The following SLC25A21 variants were observed in gnomAD, a reference collection of about 807,000 sequenced individuals.
The protein encoded by SLC25A21 is solute carrier family 25 member 21, also known as mitochondrial 2-oxodicarboxylate carrier.
SLC25A21 carries 47 observed loss-of-function variants against 43.8 expected under a neutral mutation model. The ratio of observed to expected loss-of-function variants is 1.07; its 90% confidence interval spans 0.85 to 1.37. The LOEUF (loss-of-function observed/expected upper bound fraction) is 1.37, where lower values mean the gene tolerates loss of function less well. Among genes scored for constraint, SLC25A21 ranks in the 40% most tolerant of loss-of-function variants. SLC25A21 has a pLI of 0.00. For missense variants in SLC25A21, 352 were observed against 350.2 expected (o/e 1.00, Z -0.04); for synonymous variants, 131 against 121.3 (o/e 1.08, Z -0.52).
intron 1 of SLC25A21, among the ~76,000 whole-genome samples, chr14:36,912,243 C>T (rs1190678711): frequency 6.6e-6 from 1 of 152,180 alleles, no homozygotes; most frequent in African/African-American, 2.4e-5. Context: ...AGTTACTGCA[C>T]AAATACTATG....
chr14:37,025,505 T>G (rs2138760116), intron 1 of SLC25A21, among the ~76,000 whole-genome samples: 1 of 152,324 alleles, frequency 6.6e-6, no homozygotes, highest in East Asian at 1.9e-4. Context: ...AATTGCAAAT[T>G]AATTTGTGTT....
intron 3 of SLC25A21, among the ~76,000 whole-genome samples, chr14:36,740,468 G>A (rs957755715): frequency 2.0e-5 from 3 of 152,144 alleles, no homozygotes; most frequent in African/African-American, 7.2e-5. Flanking sequence ...TACAATATTG[G>A]ATCACATTTG....
At chr14:37,141,454 T>C (rs768976188) in intron 1 of SLC25A21, among the ~76,000 whole-genome samples, 1 of 152,166 alleles carries the variant, frequency 6.6e-6, no homozygotes, top group Non-Finnish European at 1.5e-5. Context: ...CTGGCCTTTG[T>C]ATTAAAATAG....
intron 1 of SLC25A21, among the ~76,000 whole-genome samples, chr14:36,876,482 T>C (rs548469459): frequency 1.3e-5 from 2 of 152,132 alleles, no homozygotes; most frequent in Non-Finnish European, 2.9e-5. Context: ...CAGGCTCAGG[T>C]GAGCAGAGGC....
chr14:36,763,899 G>A (rs10134532), intron 3 of SLC25A21, among the ~76,000 whole-genome samples: 23,915 of 150,198 alleles, frequency 0.16, 2,157 homozygotes, highest in Middle Eastern at 0.25. Flanking sequence ...TGCAATGGTG[G>A]GCACCTGTAA....
intron 1 of SLC25A21, among the ~76,000 whole-genome samples, chr14:37,149,831 GAAAA>G (rs1250311807): frequency 6.6e-6 from 1 of 152,028 alleles, no homozygotes; most frequent in African/African-American, 2.4e-5. Flanking sequence ...CATTAAGAGA[GAAAA>G]AATAATTTAA....
chr14:37,014,343 T>C (rs1960798821), intron 1 of SLC25A21, among the ~76,000 whole-genome samples: 1 of 152,188 alleles, frequency 6.6e-6, no homozygotes. Context: ...GTTTATGAAA[T>C]GTTCTCAATC....
chr14:36,710,195 G>C (rs1883778505), intron 7 of SLC25A21, among the ~76,000 whole-genome samples: 1 of 151,898 alleles, frequency 6.6e-6, no homozygotes, highest in African/African-American at 2.4e-5. Flanking sequence ...GACCAGCCTG[G>C]TCATCATGGT....
intron 3 of SLC25A21, among the ~76,000 whole-genome samples, chr14:36,800,520 T>C (rs1887834353): frequency 6.6e-6 from 1 of 152,142 alleles, no homozygotes; most frequent in Non-Finnish European, 1.5e-5. Context: ...TTACATGAGA[T>C]ACCTAGAGTA....
At chr14:37,170,109 C>G (rs766797529) in intron 1 of SLC25A21, among the ~76,000 whole-genome samples, 7 of 151,988 alleles carry the variant, frequency 4.6e-5, no homozygotes, top group Non-Finnish European at 1.0e-4. Context: ...GATCTCGGCT[C>G]ACTGCAACCT....
chr14:37,080,727 A>G (rs907149556), intron 1 of SLC25A21, among the ~76,000 whole-genome samples: 2 of 152,242 alleles, frequency 1.3e-5, no homozygotes, highest in African/African-American at 4.8e-5. Flanking sequence ...GCACATGATC[A>G]GCTGTATACT....
intron 2 of SLC25A21, among the ~76,000 whole-genome samples, chr14:36,821,863 A>T (rs1028533212): frequency 6.6e-6 from 1 of 152,086 alleles, no homozygotes; most frequent in Non-Finnish European, 1.5e-5. Context: ...AACAAAACAA[A>T]AATAATAATA....
chr14:36,892,238 A>G (rs1422860084), intron 1 of SLC25A21, among the ~76,000 whole-genome samples: 1 of 152,136 alleles, frequency 6.6e-6, no homozygotes, highest in Non-Finnish European at 1.5e-5. Context: ...TGATTCAGCA[A>G]TCCTACTACT....
At chr14:36,777,971 A>T (rs953289725) in intron 3 of SLC25A21, among the ~76,000 whole-genome samples, 1 of 152,106 alleles carries the variant, frequency 6.6e-6, no homozygotes, top group African/African-American at 2.4e-5. Context: ...TTATCTTTCA[A>T]CTGCCATGTC....
intron 2 of SLC25A21, among the ~76,000 whole-genome samples, chr14:36,825,980 T>C (rs974769739): frequency 7.2e-5 from 11 of 152,188 alleles, no homozygotes; most frequent in Admixed American, 3.9e-4. Context: ...TACCTTATTA[T>C]TGAGTATAAA....
At chr14:36,769,350 G>A (rs192084156) in intron 3 of SLC25A21, among the ~76,000 whole-genome samples, 2 of 152,266 alleles carry the variant, frequency 1.3e-5, no homozygotes, top group Admixed American at 1.3e-4. Context: ...ATATTCTCAC[G>A]AATGGAAGAA....
chr14:36,915,465 T>A (rs1282686150), intron 1 of SLC25A21, among the ~76,000 whole-genome samples: 2 of 152,106 alleles, frequency 1.3e-5, no homozygotes, highest in East Asian at 3.9e-4. Flanking sequence ...TCACACAAAA[T>A]CTATCATGAA....
chr14:36,791,083 G>A (rs1052662684), intron 3 of SLC25A21, among the ~76,000 whole-genome samples: 2 of 152,062 alleles, frequency 1.3e-5, no homozygotes, highest in Non-Finnish European at 2.9e-5. Context: ...ATTAGAATGG[G>A]TAATCCAATT....
At chr14:36,745,074 A>G (rs1279660673) in intron 3 of SLC25A21, among the ~76,000 whole-genome samples, 1 of 143,492 alleles carries the variant, frequency 7.0e-6, no homozygotes, top group Non-Finnish European at 1.5e-5. Flanking sequence ...ACTCCCACTT[A>G]TGGGTGAGAA....
Sources: gnomAD v4.1 joint callset for allele counts (sites outside exome capture counted in the v4.1 genomes callset) on GRCh38, gnomAD v4.1.1 for gene constraint, MANE v1.5 for transcripts, NCBI Gene and HGNC (gene_info 2026-07-23, HGNC 2026-07-21) for gene names.